Variants in CACHD1 observed in about 807,000 individuals in gnomAD.
CACHD1 encodes the protein VWFA and cache domain-containing protein 1.
CACHD1 carries 71 observed loss-of-function variants against 138.7 expected under a neutral mutation model. The ratio of observed to expected loss-of-function variants is 0.51; its 90% CI spans 0.42 to 0.62. The LOEUF is 0.62. CACHD1 is among the 20% of genes least tolerant of loss of function. CACHD1 has a pLI of 0.00. For synonymous variants in CACHD1, 578 were observed against 591.5 expected (o/e 0.98, Z 0.33); for missense variants, 1,389 against 1,625.3 (o/e 0.85, Z 2.50).
chr1:64,668,070 T>G (rs1189281458), intron 16 of CACHD1, among the ~76,000 whole-genome samples: 1 of 152,058 alleles, frequency 6.6e-6, no homozygotes, highest in Admixed American at 6.5e-5. Flanking sequence ...GGCTCATGCC[T>G]GTAATCCCAG....
At chr1:64,609,005 T>C (rs542887365) in intron 4 of CACHD1, among the ~76,000 whole-genome samples, 8 of 152,286 alleles carry the variant, frequency 5.3e-5, no homozygotes, top group Non-Finnish European at 5.9e-5. Flanking sequence ...AACATTGCAG[T>C]CTTCATTGAG....
intron 3 of CACHD1, among the ~76,000 whole-genome samples, chr1:64,597,016 CAAATCACCTTCCCTAGG>C (rs1359908180): frequency 1.3e-5 from 2 of 152,054 alleles, no homozygotes; most frequent in East Asian, 3.9e-4. Flanking sequence ...ATTTGCCTGG[CAAATCACCTTCCCTAGG>C]AAATTTAAAC....
chr1:64,644,623 C>T (rs1240831329), intron 8 of CACHD1, among the ~76,000 whole-genome samples: 3 of 152,188 alleles, frequency 2.0e-5, no homozygotes, highest in Admixed American at 6.5e-5. Context: ...GCATCTTTTT[C>T]TCTTCTCTTT....
chr1:64,636,550 G>A (rs969841119), intron 7 of CACHD1, among the ~76,000 whole-genome samples: 26 of 152,122 alleles, frequency 1.7e-4, no homozygotes, highest in African/African-American at 6.0e-4. Context: ...TTCATGCTAA[G>A]GTTCAACAAA....
intron 1 of CACHD1, among the ~76,000 whole-genome samples, chr1:64,500,512 A>T (rs1646331950): frequency 6.6e-6 from 1 of 152,156 alleles, no homozygotes; most frequent in Non-Finnish European, 1.5e-5. Flanking sequence ...CCCAGAATAG[A>T]ACTTTCATAA....
chr1:64,684,593 T>C (rs1650303929), intron 26 of CACHD1, among the ~76,000 whole-genome samples: 1 of 152,080 alleles, frequency 6.6e-6, no homozygotes, highest in East Asian at 1.9e-4. Context: ...AAAGTTACAG[T>C]AAGCAAAGGT....
At chr1:64,614,797 G>A (rs1029452777) in intron 4 of CACHD1, among the ~76,000 whole-genome samples, 1 of 152,078 alleles carries the variant, frequency 6.6e-6, no homozygotes, top group Non-Finnish European at 1.5e-5. Context: ...TTTTTCCCCT[G>A]CTACTGTGGT....
chr1:64,621,786 T>C (rs1485935674), intron 4 of CACHD1, among the ~76,000 whole-genome samples: 1 of 152,000 alleles, frequency 6.6e-6, no homozygotes, highest in Non-Finnish European at 1.5e-5. Flanking sequence ...AGAGGTGAGG[T>C]TGGAGAATAG....
intron 2 of CACHD1, among the ~76,000 whole-genome samples, chr1:64,561,430 T>C (rs1030007199): frequency 1.3e-5 from 2 of 152,210 alleles, no homozygotes; most frequent in Admixed American, 1.3e-4. Flanking sequence ...AATTACTATA[T>C]TTCTTATGCT....
intron 1 of CACHD1, among the ~76,000 whole-genome samples, chr1:64,490,600 T>A (rs1646269480): frequency 6.6e-6 from 1 of 152,220 alleles, no homozygotes; most frequent in African/African-American, 2.4e-5. Context: ...GAGAATGTAC[T>A]TTGTGGGTGG....
intron 3 of CACHD1, among the ~76,000 whole-genome samples, chr1:64,598,266 G>A (rs557010936): frequency 1.2e-3 from 181 of 152,210 alleles, no homozygotes; most frequent in Middle Eastern, 0.01. Context: ...TTATCTGACC[G>A]GCACATCAGT....
intron 2 of CACHD1, among the ~76,000 whole-genome samples, chr1:64,561,621 G>A (rs1646839716): frequency 6.6e-6 from 1 of 152,028 alleles, no homozygotes; most frequent in Admixed American, 6.6e-5. Flanking sequence ...GAGAAGCTGA[G>A]ATGGGAGGAT....
chr1:64,513,803 A>C (rs2100355628), intron 1 of CACHD1, among the ~76,000 whole-genome samples: 1 of 152,360 alleles, frequency 6.6e-6, no homozygotes, highest in South Asian at 2.1e-4. Context: ...TGTTGGCAGC[A>C]GGAATGTTAG....
At chr1:64,563,399 A>AT (rs34603971) in intron 2 of CACHD1, among the ~76,000 whole-genome samples, 122,110 of 151,930 alleles carry the variant, frequency 0.8, 51,241 homozygotes, top group Non-Finnish European at 0.92. Context: ...GACATGAAGA[A>AT]TTGGAAAAGG....
intron 1 of CACHD1, among the ~76,000 whole-genome samples, chr1:64,530,869 TAA>T (rs1393982978): frequency 4.4e-5 from 5 of 114,222 alleles, no homozygotes; most frequent in Admixed American, 9.3e-5. Flanking sequence ...AGACTCTGTC[TAA>T]AAAAAAAAAA....
At chr1:64,680,296 C>G (rs1570478609) in intron 24 of CACHD1, among the ~76,000 whole-genome samples, 1 of 152,046 alleles carries the variant, frequency 6.6e-6, no homozygotes, top group East Asian at 1.9e-4. Context: ...CAAGACCAGC[C>G]TGGCCAACAT....
chr1:64,472,259 C>A (rs1233330981), intron 1 of CACHD1, among the ~76,000 whole-genome samples: 1 of 152,034 alleles, frequency 6.6e-6, no homozygotes, highest in East Asian at 1.9e-4. Context: ...TCCTCCTTCT[C>A]GTTCTTCTCC....
At chr1:64,566,627 A>G (rs751656188) in intron 2 of CACHD1, among the ~76,000 whole-genome samples, 2 of 146,012 alleles carry the variant, frequency 1.4e-5, no homozygotes, top group African/African-American at 2.5e-5. Flanking sequence ...TTTTTTTTTA[A>G]TGGTCTTTCG....
At chr1:64,571,808 T>C (rs1275250982) in intron 2 of CACHD1, among the ~76,000 whole-genome samples, 1 of 152,210 alleles carries the variant, frequency 6.6e-6, no homozygotes, top group Non-Finnish European at 1.5e-5. Flanking sequence ...TGTGCCAGGC[T>C]CTGGCCCAGG....
Sources: gnomAD v4.1 joint callset for allele counts (sites outside exome capture counted in the v4.1 genomes callset) on GRCh38, gnomAD v4.1.1 for gene constraint, MANE v1.5 for transcripts, NCBI Gene and HGNC (gene_info 2026-07-23, HGNC 2026-07-21) for gene names.